The following GPC5 variants were observed in gnomAD, a reference collection of about 807,000 sequenced individuals.
GPC5 encodes the protein glypican-5.
In GPC5, 47 loss-of-function variants were observed where a neutral mutation model predicts 53.9. The observed-to-expected ratio is 0.87, with a 90% confidence interval of 0.69 to 1.11. The LOEUF is 1.11. Among genes scored for constraint, GPC5 ranks in the 50% most tolerant of loss-of-function variants. GPC5 has a pLI of 0.00. For missense variants in GPC5, 748 were observed against 713.1 expected, an observed-to-expected ratio of 1.05 and a Z score of -0.56; for synonymous variants, 286 against 263.3, an observed-to-expected ratio of 1.09 and a Z score of -0.84.
chr13:92,404,197 T>C (rs920081470), intron 7 of GPC5, among the ~76,000 whole-genome samples: 3 of 152,208 alleles, frequency 2.0e-5, no homozygotes, highest in Non-Finnish European at 4.4e-5. Flanking sequence ...TTTATCCTCC[T>C]TTTTTAGTTA....
intron 2 of GPC5, among the ~76,000 whole-genome samples, chr13:91,646,764 G>C (rs1248467639): frequency 6.6e-6 from 1 of 152,034 alleles, no homozygotes; most frequent in Non-Finnish European, 1.5e-5. Context: ...ACATGATCTA[G>C]GTGTTTGGGA....
chr13:92,751,082 G>GAT (rs1889375816), intron 7 of GPC5, among the ~76,000 whole-genome samples: 2 of 151,798 alleles, frequency 1.3e-5, no homozygotes, highest in African/African-American at 2.4e-5. Context: ...ATGAAAAATT[G>GAT]ATATATATAA....
At chr13:91,493,744 T>A (rs1196039449) in intron 2 of GPC5, among the ~76,000 whole-genome samples, 2 of 152,038 alleles carry the variant, frequency 1.3e-5, no homozygotes, top group Non-Finnish European at 2.9e-5. Flanking sequence ...AAGTTCTATA[T>A]CCCTTTCATC....
At chr13:92,848,743 G>T (rs1878691243) in intron 7 of GPC5, among the ~76,000 whole-genome samples, 1 of 152,114 alleles carries the variant, frequency 6.6e-6, no homozygotes, top group African/African-American at 2.4e-5. Flanking sequence ...ATTGGAAAGT[G>T]TATGAGGACA....
At chr13:92,508,264 C>T (rs1428326237) in intron 7 of GPC5, among the ~76,000 whole-genome samples, 1 of 152,126 alleles carries the variant, frequency 6.6e-6, no homozygotes, top group Non-Finnish European at 1.5e-5. Context: ...GCATGGCCTA[C>T]TTATAAGAGT....
intron 7 of GPC5, among the ~76,000 whole-genome samples, chr13:92,385,540 G>A (rs111205773): frequency 5.8e-4 from 68 of 116,712 alleles, no homozygotes; most frequent in African/African-American, 1.9e-3. Context: ...ATACATATAT[G>A]CATATATACA....
chr13:91,892,864 T>A (rs947003245), intron 5 of GPC5, among the ~76,000 whole-genome samples: 2 of 151,984 alleles, frequency 1.3e-5, no homozygotes, highest in African/African-American at 4.8e-5. Flanking sequence ...ACAAAAAGTT[T>A]ATTCACAAAC....
chr13:92,445,568 T>C (rs986434453), intron 7 of GPC5, among the ~76,000 whole-genome samples: 13 of 149,950 alleles, frequency 8.7e-5, no homozygotes, highest in African/African-American at 3.2e-4. Context: ...ATGTGGTGTT[T>C]GGTTTTTTGT....
chr13:91,768,481 AAC>A (rs1030282421), intron 5 of GPC5, among the ~76,000 whole-genome samples: 2 of 152,210 alleles, frequency 1.3e-5, no homozygotes, highest in African/African-American at 4.8e-5. Flanking sequence ...AGATTGTCTA[AAC>A]ACACACACAA....
chr13:91,545,295 A>G (rs1347191475), intron 2 of GPC5, among the ~76,000 whole-genome samples: 3 of 152,214 alleles, frequency 2.0e-5, no homozygotes, highest in Non-Finnish European at 1.5e-5. Context: ...TCATTTTAAA[A>G]TTCGTTATTG....
intron 1 of GPC5, among the ~76,000 whole-genome samples, chr13:91,446,972 T>G (rs886508380): frequency 5.3e-5 from 8 of 152,126 alleles, no homozygotes; most frequent in African/African-American, 1.9e-4. Flanking sequence ...GAGAGCTTGG[T>G]GAACACAGAG....
chr13:92,122,200 G>A (rs1424173746), intron 6 of GPC5, among the ~76,000 whole-genome samples: 2 of 152,072 alleles, frequency 1.3e-5, no homozygotes, highest in African/African-American at 4.8e-5. Context: ...AGGCAATTTA[G>A]GGTGCCTTTT....
intron 7 of GPC5, among the ~76,000 whole-genome samples, chr13:92,591,605 T>G (rs1883714448): frequency 6.6e-6 from 1 of 152,158 alleles, no homozygotes; most frequent in Non-Finnish European, 1.5e-5. Context: ...TGAGAACATT[T>G]AACATCCACT....
intron 1 of GPC5, among the ~76,000 whole-genome samples, chr13:91,434,820 C>T (rs1879783837): frequency 6.6e-6 from 1 of 152,168 alleles, no homozygotes; most frequent in Non-Finnish European, 1.5e-5. Flanking sequence ...TATCCATGAG[C>T]ATGGAATGTT....
intron 7 of GPC5, among the ~76,000 whole-genome samples, chr13:92,498,882 G>C (rs1368538559): frequency 1.3e-5 from 2 of 151,974 alleles, no homozygotes; most frequent in Admixed American, 6.5e-5. Flanking sequence ...AATGAGTGTG[G>C]CAAAGGGGAA....
rs2043588202 is a variant in GPC5, at chr13:92,363,912, A to T, written c.1561+218923A>T. Among the ~76,000 whole-genome samples, 2 of 151,766 alleles carry T rather than the reference A, an allele frequency of 1.3e-5. 1 individual carries two copies. Among genetic ancestry groups the T allele is most frequent in the African/African-American group, 4.9e-5 (2 of 41,028 alleles). ...GATGTAGAGCTGAAAAAGATGATTG[A>T]ACTAAGACAAGAATGCCGAAACAGT... On this transcript the variant is annotated intron_variant, in intron 7 of 7. Coordinates refer to ENST00000377067, the MANE Select transcript of GPC5 (RefSeq NM_004466.6).
chr13:91,977,079 AAT>A (rs1235047914), intron 6 of GPC5, among the ~76,000 whole-genome samples: 1 of 150,804 alleles, frequency 6.6e-6, no homozygotes, highest in East Asian at 1.9e-4. Context: ...TAAATAAATA[AAT>A]AAAATAACCA....
At chr13:92,311,923 A>G (rs1022737350) in intron 7 of GPC5, among the ~76,000 whole-genome samples, 5 of 152,196 alleles carry the variant, frequency 3.3e-5, no homozygotes, top group African/African-American at 1.2e-4. Flanking sequence ...TTCAGGCTGA[A>G]TAAAAGCATG....
chr13:91,465,226 G>T (rs956128624), intron 2 of GPC5, among the ~76,000 whole-genome samples: 3 of 151,964 alleles, frequency 2.0e-5, no homozygotes, highest in African/African-American at 7.3e-5. Context: ...CATATTTATT[G>T]TAGGGGCAAT....
Sources: gnomAD v4.1 joint callset for allele counts (sites outside exome capture counted in the v4.1 genomes callset) on GRCh38, gnomAD v4.1.1 for gene constraint, MANE v1.5 for transcripts, NCBI Gene and HGNC (gene_info 2026-07-23, HGNC 2026-07-21) for gene names.